The following LIMD1 variants were observed in gnomAD, a reference collection of about 807,000 sequenced individuals.
LIMD1 encodes the protein LIM domain-containing protein 1.
In LIMD1, 23 loss-of-function variants were observed where a neutral mutation model predicts 58.4. That is an observed-to-expected ratio of 0.39 (90% confidence interval 0.28 to 0.56). The LOEUF is 0.56. LIMD1 is among the 20% of genes least tolerant of loss of function. The pLI is 0.57. For synonymous variants in LIMD1, 334 were observed against 345.5 expected (o/e 0.97, Z 0.37); for missense variants, 838 against 855.5 (o/e 0.98, Z 0.25).
chr3:45,651,480 G>T (rs1446345102), intron 2 of LIMD1, among the ~76,000 whole-genome samples: 1 of 152,158 alleles, frequency 6.6e-6, no homozygotes, highest in Non-Finnish European at 1.5e-5. Context: ...TTACATTTAA[G>T]TCCTTAATCC....
intron 1 of LIMD1, among the ~76,000 whole-genome samples, chr3:45,624,757 A>G (rs1418683961): frequency 2.0e-5 from 3 of 151,878 alleles, no homozygotes; most frequent in East Asian, 3.9e-4. Context: ...ACTTTCCATC[A>G]CAACAGGAGA....
chr3:45,651,785 A>AC (rs548291237), intron 2 of LIMD1, among the ~76,000 whole-genome samples: 5,633 of 151,486 alleles, frequency 0.037, 111 homozygotes, highest in African/African-American at 0.053. Flanking sequence ...GGCATGCACC[A>AC]CATGCCTGGC....
chr3:45,595,606 A>G lies in LIMD1; in HGVS notation c.727A>G (p.Ser243Gly). The G allele has an allele frequency of 6.2e-7, 1 of 1,614,106 alleles. No homozygotes were observed. Among genetic ancestry groups the G allele is most frequent in the African/African-American group, 1.3e-5 (1 of 75,060 alleles). ...GAGCTCCAGCAGGTCTTCTGAGGGT[A>G]GCCTCGGTGGTCAGAATAGTGGCAT... is the stretch of plus-strand genomic sequence containing the variant. ...SLSSSRSSEG[S>G]LGGQNSGIGG... Residue 243 changes from serine to glycine, a missense_variant, in exon 1 of 8, where the codon AGC becomes GGC. Physicochemically the swap from Ser to Gly is moderately conservative, Grantham distance 56 (BLOSUM62 0). Coordinates refer to ENST00000273317, the MANE Select transcript of LIMD1 (RefSeq NM_014240.3).
Position 45,686,147 on chromosome 3 carries a change from CT to C in LIMD1, c.*9091del, listed in dbSNP as rs1224977583. On this transcript the variant is annotated 3_prime_UTR_variant, in exon 8 of 8. Coordinates refer to ENST00000273317, the MANE Select transcript of LIMD1 (RefSeq NM_014240.3). ...AAGCCCCTGCACCTGGAACTGTTTACTTTCCTGTAACCATTTATCCTTTTAA... is the reference window on the plus strand; with the variant it reads ...AAGCCCCTGCACCTGGAACTGTTTACTTCCTGTAACCATTTATCCTTTTAA... 5.3e-5 allele frequency: 8 copies of C among 152,196 alleles called. No individual in the cohort carries two copies. Among genetic ancestry groups the C allele is most frequent in the African/African-American group, 1.9e-4 (8 of 41,436 alleles). 9.4% of individuals were successfully genotyped at this position (152,196 alleles called of 1,614,324 possible).
chr3:45,618,223 A>T (rs558118733), intron 1 of LIMD1, among the ~76,000 whole-genome samples: 1 of 152,222 alleles, frequency 6.6e-6, no homozygotes, highest in East Asian at 1.9e-4. Context: ...GGGAGCAGGG[A>T]GCTGTGAGAA....
Position 45,683,420 on chromosome 3 carries a change from G to C in LIMD1, c.*6361G>C, listed in dbSNP as rs1412509733. ...CCCACCCCCAGCCCCTTTTCTGCATGGCAGGTGAAAAATTGAAAGTATCGC... is the reference window on the plus strand; with the variant it reads ...CCCACCCCCAGCCCCTTTTCTGCATCGCAGGTGAAAAATTGAAAGTATCGC... On this transcript the variant is annotated 3_prime_UTR_variant, in exon 8 of 8. Coordinates refer to ENST00000273317, the MANE Select transcript of LIMD1 (RefSeq NM_014240.3). The C allele has an allele frequency of 6.6e-6, 1 of 152,000 alleles. No individual in the cohort carries two copies. Among genetic ancestry groups the C allele is most frequent in the Non-Finnish European group, 1.5e-5 (1 of 68,030 alleles). 9.4% of individuals were successfully genotyped at this position (152,000 alleles called of 1,614,324 possible). A position where few individuals can be genotyped will look rare whatever the true frequency, so the allele number is the denominator to read the frequency against.
intron 1 of LIMD1, among the ~76,000 whole-genome samples, chr3:45,610,780 C>T (rs555548356): frequency 6.6e-6 from 1 of 152,244 alleles, no homozygotes; most frequent in South Asian, 2.1e-4. Context: ...GGGAGACTGG[C>T]CACGTGCAAC....
Position 45,594,791 on chromosome 3 carries a change from A to ACACACACACACACACACACACACACAC in LIMD1, c.-88_-62dup, listed in dbSNP as rs1559510527. The ACACACACACACACACACACACACACAC allele has an allele frequency of 1.3e-3, 114 of 85,910 alleles. 1 individual carries two copies. The East Asian group carries it at 0.022, about 17-fold the overall frequency. 5.3% of individuals were successfully genotyped at this position (85,910 alleles called of 1,614,324 possible). A position where few individuals can be genotyped will look rare whatever the true frequency, so the allele number is the denominator to read the frequency against. ...CCCGCTGCCCTCAACACACACACACACACACACACACACACACACACACAC... is the reference window on the plus strand; with the variant it reads ...CCCGCTGCCCTCAACACACACACACACACACACACACACACACACACACACACCACACACACACACACACACACACAC... On this transcript the variant is annotated 5_prime_UTR_variant, in exon 1 of 8. Transcript: ENST00000273317.
At chr3:45,631,263 T>A (rs2012755) in intron 1 of LIMD1, among the ~76,000 whole-genome samples, 2,983 of 151,652 alleles carry the variant, frequency 0.02, 48 homozygotes, top group Middle Eastern at 0.037. Context: ...CATACTGATA[T>A]ACTGCACTCC....
At chr3:45,649,444 G>A (rs774112347) in intron 2 of LIMD1, among the ~76,000 whole-genome samples, 13 of 151,748 alleles carry the variant, frequency 8.6e-5, no homozygotes, top group Middle Eastern at 3.4e-3. Context: ...CACTTTGGGA[G>A]GCCGAGGCGG....
intron 1 of LIMD1, among the ~76,000 whole-genome samples, chr3:45,629,412 CA>C (rs57306025): frequency 1.2e-3 from 116 of 97,548 alleles, no homozygotes; most frequent in East Asian, 1.5e-3. Context: ...ACTCTTGTCT[CA>C]AAAAAAAAAA....
intron 2 of LIMD1, among the ~76,000 whole-genome samples, chr3:45,653,907 C>CAAAAAAAAAA (rs35185922): frequency 4.0e-5 from 3 of 74,864 alleles, no homozygotes; most frequent in Admixed American, 3.7e-4. Flanking sequence ...AAGACTGTCT[C>CAAAAAAAAAA]AAAAAAAAAA....
intron 1 of LIMD1, among the ~76,000 whole-genome samples, chr3:45,621,418 T>A (rs1701627404): frequency 6.6e-6 from 1 of 152,152 alleles, no homozygotes; most frequent in Non-Finnish European, 1.5e-5. Flanking sequence ...TTTTTTATTT[T>A]ATGTAGAGAC....
chr3:45,617,528 G>C lies in LIMD1; in HGVS notation c.1409-18622G>C, dbSNP rs558045970. Among the ~76,000 whole-genome samples, 539 of 152,280 alleles carry C rather than the reference G, an allele frequency of 3.5e-3. 6 individuals carry two copies. Among genetic ancestry groups the C allele is most frequent in the Non-Finnish European group, 3.2e-3 (215 of 68,028 alleles). ...GGCTCATGACTGCATGTCAAGCACA[G>C]TTGTGCCAGGTGTCTACCTGCTCCA... On this transcript the variant is annotated intron_variant, in intron 1 of 7. Transcript: ENST00000273317.
intron 2 of LIMD1, among the ~76,000 whole-genome samples, chr3:45,640,954 T>G (rs1701835355): frequency 6.6e-6 from 1 of 152,250 alleles, no homozygotes; most frequent in Non-Finnish European, 1.5e-5. Flanking sequence ...GAGACTGGGC[T>G]TGTGTCTCAG....
chr3:45,636,318 G>A, intron 2 of LIMD1, 67 bp downstream of exon 2: 1 of 1,193,122 alleles, frequency 8.4e-7, no homozygotes, highest in Non-Finnish European at 1.2e-6. Context: ...GAGAAAGGGA[G>A]GAGAGAGATC....
At chr3:45,629,727 A>G (rs1248614533) in intron 1 of LIMD1, among the ~76,000 whole-genome samples, 1 of 152,162 alleles carries the variant, frequency 6.6e-6, no homozygotes, top group Non-Finnish European at 1.5e-5. Flanking sequence ...GGATGCCAGG[A>G]GCACACCGAC....
chr3:45,653,834 C>T (rs542452082), intron 2 of LIMD1, among the ~76,000 whole-genome samples: 1 of 137,170 alleles, frequency 7.3e-6, no homozygotes, highest in Admixed American at 8.8e-5. Context: ...GGCTTGAATC[C>T]AGAAGGCGGA....
At chr3:45,675,185 G>A (rs1391748783) in intron 7 of LIMD1, among the ~76,000 whole-genome samples, 2 of 152,158 alleles carry the variant, frequency 1.3e-5, no homozygotes, top group Non-Finnish European at 2.9e-5. Context: ...AAAAGGTGAG[G>A]ACATTTGCTC....
Sources: allele counts gnomAD v4.1 joint callset (sites outside exome capture counted in the v4.1 genomes callset), GRCh38; gene constraint gnomAD v4.1.1; transcripts MANE v1.5; gene names NCBI Gene and HGNC (gene_info 2026-07-23, HGNC 2026-07-21).